DOCK4: variants seen among roughly 807,000 people sequenced by gnomAD.
DOCK4 encodes the protein dedicator of cytokinesis 4, also known as dedicator of cytokinesis protein 4.
A neutral mutation model predicts 268.1 loss-of-function variants in DOCK4; 97 were observed. The observed-to-expected ratio is 0.36, with a 90% confidence interval of 0.31 to 0.43. The LOEUF (loss-of-function observed/expected upper bound fraction) is 0.43, where lower values mean the gene tolerates loss of function less well. Ranked by LOEUF, DOCK4 falls within the 20% of genes least tolerant of loss-of-function variation. The probability of loss-of-function intolerance (pLI) is 1.00; values close to 1 mark genes in which losing one functional copy is unlikely to be tolerated. For missense variants in DOCK4, 2,145 were observed against 2,455.7 expected (o/e 0.87, Z 2.67); for synonymous variants, 954 against 887.2 (o/e 1.08, Z -1.34).
rs554373396 is a variant in DOCK4 at position 111,847,871 on chromosome 7, C to G, written c.2474-745G>C. Among the ~76,000 whole-genome samples, 172 of 152,268 alleles carry G rather than the reference C, an allele frequency of 1.1e-3. 2 individuals are homozygous for G. Among genetic ancestry groups the G allele is most frequent in the Non-Finnish European group, 1.6e-3 (110 of 68,020 alleles). On this transcript the variant is annotated intron_variant, in intron 23 of 52. Transcript: ENST00000428084. ...TAATACACTCCCTTTTCTCCCCAAG[C>G]CTCTCAAAATGGTTATATCACAATT...
rs112598008 is a variant in DOCK4, at chr7:112,060,822, TA to T, written c.38-56692del. Among the ~76,000 whole-genome samples, 466 of 152,094 alleles carry T rather than the reference TA, an allele frequency of 3.1e-3. 3 individuals carry two copies. Among genetic ancestry groups the T allele is most frequent in the African/African-American group, 0.011 (449 of 41,476 alleles). ...TGCCAGGGGCTGGGGCTAGGGAGAATAGGGAGTTATTTTTAATGGGTACAAA... is the reference window on the plus strand; with the variant it reads ...TGCCAGGGGCTGGGGCTAGGGAGAATGGGAGTTATTTTTAATGGGTACAAA... On this transcript the variant is annotated intron_variant, in intron 1 of 52. Transcript: ENST00000428084.
intron 39 of DOCK4, among the ~76,000 whole-genome samples, chr7:111,760,648 CAT>C (rs961564561): frequency 1.3e-5 from 2 of 152,018 alleles, no homozygotes; most frequent in Non-Finnish European, 1.5e-5. Context: ...TTAATAAGCA[CAT>C]GTGTAAAGAT....
At chr7:112,193,828 G>T (rs1049511533) in intron 1 of DOCK4, among the ~76,000 whole-genome samples, 2 of 151,972 alleles carry the variant, frequency 1.3e-5, no homozygotes, top group Admixed American at 1.3e-4. Flanking sequence ...GTGTTCTAAA[G>T]CATGGAAGTC....
chr7:111,739,004 T>C, intron 49 of DOCK4, 130 bp downstream of exon 49: 1 of 689,612 alleles, frequency 1.5e-6, no homozygotes, highest in Non-Finnish European at 2.5e-6. Flanking sequence ...AGGTGCAATC[T>C]TCACCAGCTG....
Position 111,998,514 on chromosome 7 carries a change from A to T in DOCK4, c.163-11T>A, listed in dbSNP as rs1279503447. 1 of 1,579,342 alleles carries T rather than the reference A, an allele frequency of 6.3e-7. No homozygotes were observed. ...GGAAGGAAATATACCCTGGAAAAGA[A>T]AACATGAAGGTTACGATGCCGGCTG... On this transcript the variant is annotated splice_polypyrimidine_tract_variant and intron_variant, in intron 3 of 52. Transcript: ENST00000428084.
chr7:111,802,699 C>T (rs185879507), intron 30 of DOCK4, among the ~76,000 whole-genome samples: 143 of 152,220 alleles, frequency 9.4e-4, no homozygotes, highest in African/African-American at 3.1e-3. Context: ...AAAATCTCTT[C>T]CACTTATGAT....
chr7:111,809,544 C>T, intron 28 of DOCK4, 143 bp from the exon 29 acceptor site: 1 of 641,088 alleles, frequency 1.6e-6, no homozygotes, highest in Non-Finnish European at 2.8e-6. Context: ...ATAGTTGAAG[C>T]TGGATATGGG....
chr7:111,847,235 A>G (rs775907883), intron 23 of DOCK4, 109 bp from the exon 24 acceptor site: 24 of 1,342,194 alleles, frequency 1.8e-5, no homozygotes, highest in Non-Finnish European at 2.2e-5. Flanking sequence ...TTATTAACAC[A>G]TGTAGTTACA....
rs530399589 is a variant in DOCK4 at position 111,758,864 on chromosome 7, CAG to C, written c.4163-76_4163-75del. On this transcript the variant is annotated intron_variant, in intron 40 of 52. Transcript: ENST00000428084. Reference sequence around the variant, plus strand: ...AAGTCTGGCTTGGGCTGAGCTATGGCAGAGAGAAGAGGATGGGTAACAATCTT... The same window carrying C: ...AAGTCTGGCTTGGGCTGAGCTATGGCAGAGAAGAGGATGGGTAACAATCTT... 207 of 1,404,528 alleles carry C rather than the reference CAG, an allele frequency of 1.5e-4. No individual in the cohort carries two copies. In the East Asian group the frequency reaches 4.3e-3, roughly 29 times the overall value. The allele number at this position is 1,404,528 out of a possible 1,614,324, so 87.0% of individuals were successfully genotyped here.
Position 111,746,351 on chromosome 7 carries a change from C to T in DOCK4, c.4660G>A (p.Glu1554Lys). The change falls in exon 44 of 53, where the codon GAG becomes AAG. Residue 1554 changes from glutamate (E) to lysine (K), a missense_variant. By Grantham distance (56) the Glu-to-Lys change is moderately conservative. Around this residue, in one of 2 missense-constraint regions of DOCK4, gnomAD observed 1,598 missense variants for 1,986.7 expected, o/e 0.80. Coordinates refer to ENST00000428084, the MANE Select transcript of DOCK4 (RefSeq NM_001363540.2). ...EDGEKIARLRELMLEQAQILE... is the reference protein window; with the variant it reads ...EDGEKIARLRKLMLEQAQILE... ...TCCCTTACCTGCTCAAGCATCAGCT[C>T]TCTTAATCGTGCAATTTTCTCCCCA... 6.2e-7 allele frequency: 1 copy of T among 1,612,900 alleles called. No individual in the cohort carries two copies. Among genetic ancestry groups the T allele is most frequent in the Non-Finnish European group, 8.5e-7 (1 of 1,179,464 alleles).
chr7:112,113,785 A>C (rs1398965606), intron 1 of DOCK4, among the ~76,000 whole-genome samples: 1 of 76,506 alleles, frequency 1.3e-5, no homozygotes, highest in Non-Finnish European at 2.4e-5. Flanking sequence ...TTTTGTAGAG[A>C]CAGTCTTGCT....
Position 112,179,184 on chromosome 7 carries a change from C to T in DOCK4, c.37+26918G>A, listed in dbSNP as rs943845099. Among the ~76,000 whole-genome samples, 8 of 152,024 alleles carry T rather than the reference C, an allele frequency of 5.3e-5. No homozygotes were observed. The South Asian group carries it at 6.2e-4, about 12-fold the overall frequency. On this transcript the variant is annotated intron_variant, in intron 1 of 52. Coordinates refer to ENST00000428084, the MANE Select transcript of DOCK4 (RefSeq NM_001363540.2). ...GGAGGATCTCTTGAGACCAGGAGCT[C>T]GGGACCAGCCTGGGCAACATAGGGA...
Position 112,122,927 on chromosome 7 carries a change from C to T in DOCK4, c.37+83175G>A, listed in dbSNP as rs1033524660. On this transcript the variant is annotated intron_variant, in intron 1 of 52. Transcript: ENST00000428084. ...AATTTTCTCATATGAGGTGTAGACG[C>T]CAAGGGAAACTTCCCCTCTGAAGGT... is the stretch of plus-strand genomic sequence containing the variant. 5.3e-5 allele frequency among the ~76,000 whole-genome samples: 8 copies of T among 152,166 alleles called. No homozygotes were observed. The East Asian group carries it at 1.5e-3, about 29-fold the overall frequency.
chr7:111,730,838 C>T (rs1182094946), intron 52 of DOCK4, among the ~76,000 whole-genome samples: 7 of 152,188 alleles, frequency 4.6e-5, no homozygotes, highest in Non-Finnish European at 7.3e-5. Flanking sequence ...CACAGGTCTG[C>T]TGAGAGACAG....
chr7:112,150,455 C>T (rs918260451), intron 1 of DOCK4, among the ~76,000 whole-genome samples: 2 of 152,130 alleles, frequency 1.3e-5, no homozygotes, highest in African/African-American at 4.8e-5. Flanking sequence ...GAGATAACCT[C>T]GTCCTGTCTT....
chr7:111,866,233 G>A (rs1282506124), intron 22 of DOCK4, among the ~76,000 whole-genome samples: 2 of 152,246 alleles, frequency 1.3e-5, no homozygotes, highest in Non-Finnish European at 2.9e-5. Flanking sequence ...AGGCAGAGGT[G>A]TGTGGCATTT....
At chr7:111,863,696 T>C in intron 22 of DOCK4, 132 bp from the exon 23 acceptor site, 1 of 979,786 alleles carries the variant, frequency 1.0e-6, no homozygotes, top group Non-Finnish European at 1.4e-6. Context: ...ATGTTTCTGT[T>C]ACCTAAAGCT....
chr7:112,118,548 C>A (rs561423868), intron 1 of DOCK4, among the ~76,000 whole-genome samples: 4 of 152,220 alleles, frequency 2.6e-5, no homozygotes, highest in African/African-American at 7.2e-5. Flanking sequence ...TATATAGAAA[C>A]CATTGCCAAA....
At chr7:111,893,816 A>G (rs1808492887) in intron 16 of DOCK4, among the ~76,000 whole-genome samples, 1 of 152,260 alleles carries the variant, frequency 6.6e-6, no homozygotes, top group African/African-American at 2.4e-5. Context: ...TTTTCCCAGC[A>G]CCTAGAACAG....
Sources: gnomAD v4.1 joint callset for allele counts (sites outside exome capture counted in the v4.1 genomes callset) on GRCh38, gnomAD v4.1.1 for gene constraint, gnomAD v4.1.1 regional missense constraint, MANE v1.5 for transcripts, NCBI Gene and HGNC (gene_info 2026-07-23, HGNC 2026-07-21) for gene names.